MEGF10: variants seen among roughly 807,000 people sequenced by gnomAD.
MEGF10 encodes multiple EGF like domains 10.
In MEGF10, 86 loss-of-function variants were observed where a neutral mutation model predicts 147.5. That is an observed-to-expected ratio of 0.58 (90% CI 0.49 to 0.70). MEGF10 has a LOEUF of 0.70. Among genes scored for constraint, MEGF10 ranks in the 30% least tolerant of loss-of-function variants. The pLI is 0.00. For missense variants in MEGF10, 1,329 were observed against 1,487.3 expected (o/e 0.89, Z 1.75); for synonymous variants, 478 against 525.5 (o/e 0.91, Z 1.24).
Position 127,387,023 on chromosome 5 carries a change from T to C in MEGF10, c.413-9509T>C, listed in dbSNP as rs148776295. ...CTAGCTAGGGCCCAGGTCTAGGCAA[T>C]GTAAAGAGGCTACAGTCCCTCCTTG... On this transcript the variant is annotated intron_variant, in intron 5 of 24. Coordinates refer to ENST00000503335, the MANE Select transcript of MEGF10 (RefSeq NM_001256545.2). Among the ~76,000 whole-genome samples, 9 of 152,342 alleles carry C rather than the reference T, an allele frequency of 5.9e-5. No homozygotes were observed. In the East Asian group the frequency reaches 1.7e-3, roughly 29 times the overall value.
chr5:127,362,727 C>A (rs1762522760), intron 4 of MEGF10, among the ~76,000 whole-genome samples: 1 of 152,130 alleles, frequency 6.6e-6, no homozygotes, highest in Non-Finnish European at 1.5e-5. Flanking sequence ...TTAGGTCTTA[C>A]ATTTTTAATC....
chr5:127,256,118 C>T, the MEGF10 span, among the ~76,000 whole-genome samples: 1 of 152,180 alleles, frequency 6.6e-6, no homozygotes, highest in Non-Finnish European at 1.5e-5. Context: ...TCATCTGTGC[C>T]TGTAAGTTAA....
At chr5:127,235,886 CA>C in the MEGF10 span, among the ~76,000 whole-genome samples, 1 of 152,190 alleles carries the variant, frequency 6.6e-6, no homozygotes, top group South Asian at 2.1e-4. Flanking sequence ...AATATACTAA[CA>C]ATATTTAAGT....
At chr5:127,432,942 A>G (rs1765432535) in intron 13 of MEGF10, among the ~76,000 whole-genome samples, 2 of 152,220 alleles carry the variant, frequency 1.3e-5, no homozygotes, top group Non-Finnish European at 2.9e-5. Flanking sequence ...TTCTTTATGT[A>G]AAACATTTTA....
chr5:127,268,975 C>T, the MEGF10 span, among the ~76,000 whole-genome samples: 3 of 152,240 alleles, frequency 2.0e-5, no homozygotes, highest in Admixed American at 6.5e-5. Flanking sequence ...CCCAGGCAAA[C>T]AGGGTCTGGA....
In MEGF10 at chr5:127,416,383, C is replaced by A. The variant is rs115029557; in HGVS notation, c.1131-1255C>A. On this transcript the variant is annotated intron_variant, in intron 9 of 24. Transcript: ENST00000503335. The stretch of plus-strand genomic sequence containing the variant: ...GAGATGCCGTGGAGATGCCATGTGA[C>A]TGCTCAAGGATAAGAAATTGGCCCA... 2.3e-3 allele frequency among the ~76,000 whole-genome samples: 351 copies of A among 152,212 alleles called. 3 individuals carry two copies. The highest frequency in any genetic ancestry group is 0.01 in the Middle Eastern group (3 of 294).
chr5:127,402,672 A>C lies in MEGF10; in HGVS notation c.907A>C (p.Thr303Pro). The change falls in exon 8 of 25, where the codon ACA (threonine) becomes CCA (proline). Residue 303 changes from threonine (T) to proline (P), a missense_variant. By Grantham distance (38) the Thr-to-Pro change is conservative (BLOSUM62 -1). Coordinates refer to ENST00000503335, the MANE Select transcript of MEGF10 (RefSeq NM_001256545.2). ...CCAATGTCATTGCAGTCCAGGATACACAGGGGAACGGTAAGGGATGCCCTT... is the reference window on the plus strand; with the variant it reads ...CCAATGTCATTGCAGTCCAGGATACCCAGGGGAACGGTAAGGGATGCCCTT... The part of the protein sequence containing the change: ...TGQCHCSPGY[T>P]GERCQDECPV... 1 of 1,613,926 alleles carries C rather than the reference A, an allele frequency of 6.2e-7. No homozygotes were observed. Among genetic ancestry groups the C allele is most frequent in the Non-Finnish European group, 8.5e-7 (1 of 1,179,938 alleles).
intron 5 of MEGF10, among the ~76,000 whole-genome samples, chr5:127,377,702 C>T (rs935895772): frequency 6.6e-6 from 1 of 152,152 alleles, no homozygotes. Context: ...ACATAAGGCA[C>T]AAAAAGCTGA....
At chr5:127,367,469 A>G (rs747840432) in intron 4 of MEGF10, among the ~76,000 whole-genome samples, 15 of 152,196 alleles carry the variant, frequency 9.9e-5, no homozygotes, top group Non-Finnish European at 2.2e-4. Flanking sequence ...TTTAAGTAGT[A>G]TTAATATAAA....
intron 1 of MEGF10, among the ~76,000 whole-genome samples, chr5:127,299,365 A>G (rs1759663758): frequency 6.6e-6 from 1 of 152,162 alleles, no homozygotes; most frequent in Non-Finnish European, 1.5e-5. Flanking sequence ...AATGAGTGCC[A>G]TTAGAAAGTT....
intron 12 of MEGF10, among the ~76,000 whole-genome samples, chr5:127,421,619 G>T (rs1765008256): frequency 6.6e-6 from 1 of 152,132 alleles, no homozygotes; most frequent in Middle Eastern, 3.2e-3. Context: ...AAGTATAAAA[G>T]ATCTGGAAGG....
At chr5:127,252,302 T>C in the MEGF10 span, among the ~76,000 whole-genome samples, 1 of 151,694 alleles carries the variant, frequency 6.6e-6, no homozygotes, top group Admixed American at 6.6e-5. Context: ...GCAGTGGGCC[T>C]AAAAGTCTAT....
intron 12 of MEGF10, among the ~76,000 whole-genome samples, chr5:127,422,340 G>A (rs1233542142): frequency 6.6e-6 from 1 of 151,932 alleles, no homozygotes; most frequent in Non-Finnish European, 1.5e-5. Flanking sequence ...GACCAACAAG[G>A]TGAAACCCTG....
In MEGF10 at chr5:127,319,059, C is replaced by G. The variant is rs185150222; in HGVS notation, c.-18-12232C>G. ...TCCCTCCCTCCCTTCCTCCCTCCCT[C>G]CCTTCCTCCATCCCTTCCTTTCTCT... On this transcript the variant is annotated intron_variant, in intron 1 of 24. Coordinates refer to ENST00000503335, the MANE Select transcript of MEGF10 (RefSeq NM_001256545.2). Among the ~76,000 whole-genome samples the G allele has an allele frequency of 9.6e-3, 1,367 of 143,054 alleles. 10 individuals are homozygous for G. Among genetic ancestry groups the G allele is most frequent in the Non-Finnish European group, 0.014 (893 of 64,952 alleles). The allele number at this position is 143,054 out of a possible 152,430, so 93.8% of individuals were successfully genotyped here.
intron 5 of MEGF10, among the ~76,000 whole-genome samples, chr5:127,391,102 G>GCGCGCGCGCGCGCGCA (rs1426600414): frequency 1.9e-5 from 1 of 53,892 alleles, no homozygotes; most frequent in Non-Finnish European, 5.0e-5. Flanking sequence ...GCGCGCGCGC[G>GCGCGCGCGCGCGCGCA]CACACACACA....
intron 12 of MEGF10, among the ~76,000 whole-genome samples, chr5:127,421,237 A>ATTTACT (rs1293679518): frequency 1.3e-5 from 2 of 152,230 alleles, no homozygotes; most frequent in Non-Finnish European, 2.9e-5. Context: ...GGAGTTAGTA[A>ATTTACT]ATCAGTGAAG....
Position 127,433,605 on chromosome 5 carries a change from G to T in MEGF10, c.1840+96G>T, listed in dbSNP as rs1035352250. On this transcript the variant is annotated intron_variant, in intron 14 of 24. Transcript: ENST00000503335. ...GTCCCACCTCTCAGTTTATAGTGAT[G>T]TCCTGTTGCAGTTGAAGGCAAAAGA... 2.1e-6 allele frequency: 3 copies of T among 1,438,956 alleles called. No homozygotes were observed. The African/African-American group carries it at 4.3e-5, about 21-fold the overall frequency. 89.1% of individuals were successfully genotyped at this position (1,438,956 alleles called of 1,614,324 possible).
At chr5:127,304,298 G>A (rs1031976945) in intron 1 of MEGF10, among the ~76,000 whole-genome samples, 1 of 152,152 alleles carries the variant, frequency 6.6e-6, no homozygotes, top group African/African-American at 2.4e-5. Flanking sequence ...TGGCCTGAGA[G>A]AGCCTGAGAG....
intron 4 of MEGF10, among the ~76,000 whole-genome samples, chr5:127,351,092 T>C (rs1242479862): frequency 6.6e-6 from 1 of 152,074 alleles, no homozygotes; most frequent in Non-Finnish European, 1.5e-5. Context: ...CACAACAGGG[T>C]GATTATAGTC....
Sources: gnomAD v4.1 joint callset for allele counts (sites outside exome capture counted in the v4.1 genomes callset) on GRCh38, gnomAD v4.1.1 for gene constraint, MANE v1.5 for transcripts, NCBI Gene and HGNC (gene_info 2026-07-23, HGNC 2026-07-21) for gene names.